Variants in RRAGC observed in about 807,000 individuals in gnomAD.
RRAGC encodes the protein Ras related GTP binding C.
Under a neutral mutation model 37.1 loss-of-function variants are expected in RRAGC, and 8 were observed. That is an observed-to-expected ratio of 0.22 (90% CI 0.13 to 0.39). The LOEUF (loss-of-function observed/expected upper bound fraction) is 0.39, where lower values mean the gene tolerates loss of function less well. Ranked by LOEUF, RRAGC falls within the 10% of genes least tolerant of loss-of-function variation. The pLI, the probability that RRAGC is intolerant of heterozygous loss-of-function variation, is 1.00. For synonymous variants in RRAGC, 190 were observed against 181.1 expected (o/e 1.05, Z -0.39); for missense variants, 342 against 497.6 (o/e 0.69, Z 2.98).
At position 38,856,973 on chromosome 1, in the gene RRAGC, T is replaced by C. The variant is rs1169309358; in HGVS notation, c.347A>G (p.Asp116Gly). The stretch of plus-strand genomic sequence containing the variant: ...AAAAAAGTCCATTTGCCCAGGAAAA[T>C]CCCATATCTGGAAATTCACAAAGGA... The part of the protein sequence containing the change: ...NSSFVNFQIW[D>G]FPGQMDFFDP... Residue 116 changes from aspartate (D) to glycine (G), a missense_variant, in exon 2 of 7, where the codon GAT (aspartate) becomes GGT (glycine). Coordinates refer to ENST00000373001, the MANE Select transcript of RRAGC (RefSeq NM_022157.4). 1.2e-6 allele frequency: 2 copies of C among 1,614,030 alleles called. No individual in the cohort carries two copies. Among genetic ancestry groups the C allele is most frequent in the Admixed American group, 1.7e-5 (1 of 60,014 alleles).
In RRAGC at chr1:38,858,721, C is replaced by A. The variant is rs563480442; in HGVS notation, c.237+689G>T. On this transcript the variant is annotated intron_variant, in intron 1 of 6. Coordinates refer to ENST00000373001, the MANE Select transcript of RRAGC (RefSeq NM_022157.4). ...CGTCTCAAAAACATAAACAAACAAACGTGTACAGCCCTCCATTTGTTCATG... is the reference window on the plus strand; with the variant it reads ...CGTCTCAAAAACATAAACAAACAAAAGTGTACAGCCCTCCATTTGTTCATG... Among the ~76,000 whole-genome samples, 7 of 152,276 alleles carry A rather than the reference C, an allele frequency of 4.6e-5. No homozygotes were observed. In the South Asian group the frequency reaches 1.5e-3, roughly 32 times the overall value.
intron 5 of RRAGC, among the ~76,000 whole-genome samples, chr1:38,850,183 G>A: frequency 6.6e-6 from 1 of 151,020 alleles, no homozygotes; most frequent in African/African-American, 2.4e-5. Flanking sequence ...TCCAGTCTGG[G>A]CAACAGAGCG....
chr1:38,855,402 G>C (rs1012405056), intron 3 of RRAGC, among the ~76,000 whole-genome samples: 4 of 152,132 alleles, frequency 2.6e-5, no homozygotes, highest in African/African-American at 9.7e-5. Flanking sequence ...GAAACCAAGA[G>C]GAAGGAGTCC....
intron 6 of RRAGC, among the ~76,000 whole-genome samples, chr1:38,844,430 C>G (rs938448589): frequency 4.1e-5 from 6 of 145,232 alleles, no homozygotes; most frequent in Non-Finnish European, 7.5e-5. Context: ...AGACTTGGCT[C>G]TGACAAACAG....
rs146881874 is a variant in RRAGC at position 38,850,121 on chromosome 1, G to A, written c.899+1494C>T. On this transcript the variant is annotated intron_variant, in intron 5 of 6. Coordinates refer to ENST00000373001, the MANE Select transcript of RRAGC (RefSeq NM_022157.4). ...CTCGGGAGGCTGACGCAGGAGAATCGTTTGAACCCAGGAGGCGGAGATTGC... is the reference window on the plus strand; with the variant it reads ...CTCGGGAGGCTGACGCAGGAGAATCATTTGAACCCAGGAGGCGGAGATTGC... 6.2e-4 allele frequency among the ~76,000 whole-genome samples: 94 copies of A among 152,080 alleles called. 1 individual carries two copies. In the East Asian group the frequency reaches 0.014, roughly 22 times the overall value.
At chr1:38,849,639 G>C (rs1268574595) in intron 5 of RRAGC, among the ~76,000 whole-genome samples, 1 of 152,020 alleles carries the variant, frequency 6.6e-6, no homozygotes, top group African/African-American at 2.4e-5. Flanking sequence ...AGTGAGCCCA[G>C]ATCACACCAC....
Position 38,856,584 on chromosome 1 carries a change from TATTATTATAAA to T in RRAGC, c.441+284_441+294del, listed in dbSNP as rs1310319003. 29 of 231,482 alleles carry T rather than the reference TATTATTATAAA, an allele frequency of 1.3e-4. 1 individual carries two copies. The highest frequency in any genetic ancestry group is 6.2e-4 in the African/African-American group (27 of 43,900). 14.3% of individuals were successfully genotyped at this position (231,482 alleles called of 1,614,324 possible). A position where few individuals can be genotyped will look rare whatever the true frequency, so the allele number is the denominator to read the frequency against. On this transcript the variant is annotated intron_variant, in intron 2 of 6. Coordinates refer to ENST00000373001, the MANE Select transcript of RRAGC (RefSeq NM_022157.4). ...GGATATTTTCAGGGAATAACATCAC[TATTATTATAAA>T]ATTATTATAAAATATGGCAACCAAT...
At chr1:38,848,128 A>G (rs1291845278) in intron 5 of RRAGC, 1 of 152,188 alleles carries the variant, frequency 6.6e-6, no homozygotes, top group Non-Finnish European at 1.5e-5. Flanking sequence ...TTTTAACTCA[A>G]TTCCATGCAG....
intron 6 of RRAGC, among the ~76,000 whole-genome samples, chr1:38,845,619 TATAAACA>T (rs535488171): frequency 2.6e-5 from 4 of 152,274 alleles, no homozygotes; most frequent in South Asian, 4.1e-4. Flanking sequence ...GAACTTAAAG[TATAAACA>T]ATAAATAAAT....
chr1:38,857,846 G>A (rs1335226508), intron 1 of RRAGC, among the ~76,000 whole-genome samples: 3 of 152,128 alleles, frequency 2.0e-5, no homozygotes, highest in African/African-American at 4.8e-5. Context: ...TGTAGTCCCA[G>A]CTACTTGGGA....
At chr1:38,853,021 T>C (rs568016333) in intron 3 of RRAGC, among the ~76,000 whole-genome samples, 11 of 152,330 alleles carry the variant, frequency 7.2e-5, no homozygotes, top group Admixed American at 7.2e-4. Context: ...TATACATTCA[T>C]TTAGGTGCTT....
intron 3 of RRAGC, among the ~76,000 whole-genome samples, chr1:38,853,785 A>C (rs997560997): frequency 6.6e-6 from 1 of 152,038 alleles, no homozygotes; most frequent in South Asian, 2.1e-4. Flanking sequence ...GAGCTGACCT[A>C]AGAACCTAAT....
At chr1:38,856,265 C>A (rs1357090621) in intron 2 of RRAGC, among the ~76,000 whole-genome samples, 1 of 152,152 alleles carries the variant, frequency 6.6e-6, no homozygotes, top group Non-Finnish European at 1.5e-5. Flanking sequence ...TCTGTAAGAT[C>A]AGAATTACAA....
chr1:38,852,491 G>A lies in RRAGC; in HGVS notation c.642-3C>T. On this transcript the variant is annotated splice_polypyrimidine_tract_variant and splice_region_variant and intron_variant, in intron 3 of 6. Transcript: ENST00000373001. ...CATAGATACTAGTCAGATAAAAGCT[G>A]AAAAACACAACATAGCTTGATTAAT... is the stretch of plus-strand genomic sequence containing the variant. 2 of 1,321,748 alleles carry A rather than the reference G, an allele frequency of 1.5e-6. No homozygotes were observed. Among genetic ancestry groups the A allele is most frequent in the Non-Finnish European group, 2.2e-6 (2 of 921,644 alleles). The allele number at this position is 1,321,748 out of a possible 1,614,324, so 81.9% of individuals were successfully genotyped here.
Position 38,838,297 on chromosome 1 carries a change from C to T in RRAGC, c.*1256G>A, listed in dbSNP as rs1419484691. ...TTTTTCTTTTGGATATCACCATGGTCCATGTAAATACTCAAGTCAGAATCA... is the reference window on the plus strand; with the variant it reads ...TTTTTCTTTTGGATATCACCATGGTTCATGTAAATACTCAAGTCAGAATCA... On this transcript the variant is annotated 3_prime_UTR_variant, in exon 7 of 7. Transcript: ENST00000373001. 1 of 152,152 alleles carries T rather than the reference C, an allele frequency of 6.6e-6. No individual in the cohort carries two copies. Among genetic ancestry groups the T allele is most frequent in the Non-Finnish European group, 1.5e-5 (1 of 68,030 alleles). The allele number at this position is 152,152 out of a possible 1,614,324, so 9.4% of individuals were successfully genotyped here.
At chr1:38,847,007 G>A (rs751068464) in intron 5 of RRAGC, 1 of 152,178 alleles carries the variant, frequency 6.6e-6, no homozygotes, top group Non-Finnish European at 1.5e-5. Flanking sequence ...CTACTCGGGA[G>A]GCTAAGGCAG....
chr1:38,858,023 T>A (rs1642187972), intron 1 of RRAGC, among the ~76,000 whole-genome samples: 1 of 152,196 alleles, frequency 6.6e-6, no homozygotes, highest in Non-Finnish European at 1.5e-5. Flanking sequence ...AAAACTACTT[T>A]GCCTCTTACT....
chr1:38,858,440 T>TTTAC (rs1642193779), intron 1 of RRAGC, among the ~76,000 whole-genome samples: 2 of 152,194 alleles, frequency 1.3e-5, no homozygotes, highest in Non-Finnish European at 2.9e-5. Context: ...GACTCACACC[T>TTTAC]GTAATCCCAG....
Position 38,859,744 on chromosome 1 carries a change from G to A in RRAGC, c.-98C>T, listed in dbSNP as rs934890038. 13 of 1,063,786 alleles carry A rather than the reference G, an allele frequency of 1.2e-5. No individual in the cohort carries two copies. The highest frequency in any genetic ancestry group is 1.3e-5 in the Non-Finnish European group (11 of 841,124). 65.9% of individuals were successfully genotyped at this position (1,063,786 alleles called of 1,614,324 possible). On this transcript the variant is annotated 5_prime_UTR_variant, in exon 1 of 7. Coordinates refer to ENST00000373001, the MANE Select transcript of RRAGC (RefSeq NM_022157.4). ...CGCCTCCGCCGCCGCCGCCACCACC[G>A]CCACCGCCCCCGGCAGCCGCCACAG...
Sources: gnomAD v4.1 joint callset for allele counts (sites outside exome capture counted in the v4.1 genomes callset) on GRCh38, gnomAD v4.1.1 for gene constraint, MANE v1.5 for transcripts, NCBI Gene and HGNC (gene_info 2026-07-23, HGNC 2026-07-21) for gene names.